The following DOK6 variants were observed in gnomAD, a reference collection of about 807,000 sequenced individuals.
DOK6 encodes the protein docking protein 6, also known as downstream of tyrosine kinase 6.
A neutral mutation model predicts 44.0 loss-of-function variants in DOK6; 22 were observed. The ratio of observed to expected loss-of-function variants is 0.50; its 90% CI spans 0.36 to 0.71. The LOEUF (loss-of-function observed/expected upper bound fraction) is 0.71. Among genes scored for constraint, DOK6 ranks in the 30% least tolerant of loss-of-function variants. The pLI is 0.00. For synonymous variants in DOK6, 166 were observed against 145.5 expected (o/e 1.14, Z -1.01); for missense variants, 340 against 416.4 (o/e 0.82, Z 1.60).
intron 3 of DOK6, among the ~76,000 whole-genome samples, chr18:69,611,733 G>C (rs911056883): frequency 6.6e-6 from 1 of 152,174 alleles, no homozygotes; most frequent in African/African-American, 2.4e-5. Flanking sequence ...AAAGGTTTTA[G>C]ATACCATGTG....
chr18:69,414,372 T>A (rs1773512999), intron 1 of DOK6, among the ~76,000 whole-genome samples: 1 of 152,026 alleles, frequency 6.6e-6, no homozygotes, highest in South Asian at 2.1e-4. Context: ...CAAGCTGTAG[T>A]TCACCAAATT....
intron 1 of DOK6, among the ~76,000 whole-genome samples, chr18:69,437,376 G>A (rs903474245): frequency 4.6e-5 from 7 of 152,274 alleles, no homozygotes; most frequent in African/African-American, 1.7e-4. Context: ...TTTGCATATG[G>A]CTAGCCAGTT....
chr18:69,530,417 T>C (rs1981952634), intron 1 of DOK6, among the ~76,000 whole-genome samples: 1 of 152,170 alleles, frequency 6.6e-6, no homozygotes, highest in South Asian at 2.1e-4. Context: ...CAAGTAGTTT[T>C]GACTTTGAAC....
In DOK6 at chr18:69,401,100, G is replaced by A. The variant is rs1916085766; in HGVS notation, c.-145G>A. The A allele has an allele frequency of 2.7e-6, 2 of 732,532 alleles. No homozygotes were observed. The highest frequency in any genetic ancestry group is 3.7e-6 in the Non-Finnish European group (2 of 539,624). The allele number at this position is 732,532 out of a possible 1,614,324, so 45.4% of individuals were successfully genotyped here. A position where few individuals can be genotyped will look rare whatever the true frequency, so the allele number is the denominator to read the frequency against. On this transcript the variant is annotated 5_prime_UTR_variant, in exon 1 of 8. Transcript: ENST00000382713. ...CTGCAGGCGACCCCGCGTCCCCACC[G>A]GCGGGAGCTCGGGGAAGAGCGGGCG...
chr18:69,782,236 G>T (rs1437189175), intron 7 of DOK6, among the ~76,000 whole-genome samples: 2 of 136,128 alleles, frequency 1.5e-5, no homozygotes, highest in African/African-American at 5.5e-5. Context: ...TTTTGAGATG[G>T]TGTCTCGCTC....
chr18:69,405,592 T>TAAAATAAAATAAAATAAAATAAAATA (rs1916190972), intron 1 of DOK6, among the ~76,000 whole-genome samples: 49 of 149,770 alleles, frequency 3.3e-4, no homozygotes, highest in African/African-American at 1.2e-3. Flanking sequence ...AATAACTAAC[T>TAAAATAAAATAAAATAAAATAAAATA]AAATAAAATA....
chr18:69,435,749 A>G (rs1408291611), intron 1 of DOK6, among the ~76,000 whole-genome samples: 1 of 151,956 alleles, frequency 6.6e-6, no homozygotes, highest in Non-Finnish European at 1.5e-5. Flanking sequence ...TATTGTTTTT[A>G]TTTTCAAATA....
chr18:69,433,781 A>G (rs1158946867), intron 1 of DOK6, among the ~76,000 whole-genome samples: 1 of 152,228 alleles, frequency 6.6e-6, no homozygotes, highest in Non-Finnish European at 1.5e-5. Context: ...AGTTAAATAT[A>G]TAGTCACTTT....
chr18:69,637,918 A>G (rs1411578455), intron 3 of DOK6, among the ~76,000 whole-genome samples: 1 of 151,878 alleles, frequency 6.6e-6, no homozygotes, highest in African/African-American at 2.4e-5. Context: ...CTATGATCTC[A>G]TAAGGATAGG....
intron 1 of DOK6, among the ~76,000 whole-genome samples, chr18:69,473,041 T>C (rs1980161062): frequency 6.6e-6 from 1 of 152,200 alleles, no homozygotes; most frequent in Non-Finnish European, 1.5e-5. Flanking sequence ...TATTTTATGT[T>C]TAGCTCATAT....
intron 4 of DOK6, among the ~76,000 whole-genome samples, chr18:69,686,025 A>G (rs773381951): frequency 1.2e-4 from 19 of 152,194 alleles, no homozygotes; most frequent in Non-Finnish European, 2.8e-4. Flanking sequence ...GTACCTTTAA[A>G]GAGGTAACTG....
intron 3 of DOK6, among the ~76,000 whole-genome samples, chr18:69,677,179 ATCTAAG>A (rs1985940910): frequency 6.6e-6 from 1 of 152,096 alleles, no homozygotes; most frequent in Admixed American, 6.6e-5. Flanking sequence ...ACTCATACAA[ATCTAAG>A]TCACTTTCAG....
intron 1 of DOK6, among the ~76,000 whole-genome samples, chr18:69,520,312 G>A (rs1385081525): frequency 6.6e-6 from 1 of 151,750 alleles, no homozygotes; most frequent in Non-Finnish European, 1.5e-5. Context: ...ATTTGGGTAA[G>A]GTGTTAGTAA....
At chr18:69,578,126 A>G (rs1307587303) in intron 2 of DOK6, among the ~76,000 whole-genome samples, 2 of 152,178 alleles carry the variant, frequency 1.3e-5, no homozygotes, top group African/African-American at 2.4e-5. Flanking sequence ...CTGATCTGGG[A>G]TTGACTTAGA....
chr18:69,803,596 G>T (rs531062415), intron 7 of DOK6, among the ~76,000 whole-genome samples: 18 of 152,290 alleles, frequency 1.2e-4, no homozygotes, highest in African/African-American at 4.3e-4. Context: ...TGACCAGGTG[G>T]CTCACGCCTA....
chr18:69,576,989 T>A lies in DOK6; in HGVS notation c.174+12395T>A, dbSNP rs190009169. On this transcript the variant is annotated intron_variant, in intron 2 of 7. Coordinates refer to ENST00000382713, the MANE Select transcript of DOK6 (RefSeq NM_152721.6). Reference sequence around the variant, plus strand: ...AAACAACGTGAAGTTCCATGAAAACTGCATGATGCCAGAAAAGCGATGCTT... The same window carrying A: ...AAACAACGTGAAGTTCCATGAAAACAGCATGATGCCAGAAAAGCGATGCTT... Among the ~76,000 whole-genome samples the A allele has an allele frequency of 1.3e-4, 20 of 152,264 alleles. No individual in the cohort carries two copies. The Middle Eastern group carries it at 0.014, about 104-fold the overall frequency.
At chr18:69,758,710 T>C (rs969618103) in intron 7 of DOK6, among the ~76,000 whole-genome samples, 1 of 152,200 alleles carries the variant, frequency 6.6e-6, no homozygotes, top group African/African-American at 2.4e-5. Flanking sequence ...CAAACATTTA[T>C]TGAGCACCAT....
Position 69,811,541 on chromosome 18 carries a change from T to C in DOK6, c.857-29703T>C, listed in dbSNP as rs1028041142. Among the ~76,000 whole-genome samples the C allele has an allele frequency of 1.2e-3, 28 of 23,980 alleles. 1 individual carries two copies. The highest frequency in any genetic ancestry group is 2.0e-3 in the African/African-American group (26 of 12,784). The allele number at this position is 23,980 out of a possible 152,430, so 15.7% of individuals were successfully genotyped here. A position where few individuals can be genotyped will look rare whatever the true frequency, so the allele number is the denominator to read the frequency against. On this transcript the variant is annotated intron_variant, in intron 7 of 7. Transcript: ENST00000382713. ...CCATTCCATTATATATATATATATA[T>C]ATATATATATATATATATATATATA...
intron 1 of DOK6, among the ~76,000 whole-genome samples, chr18:69,451,702 A>T (rs1238575962): frequency 9.6e-6 from 1 of 103,720 alleles, no homozygotes; most frequent in African/African-American, 3.9e-5. Flanking sequence ...CAGAAATTAT[A>T]ACAAACTATC....
Sources: gnomAD v4.1 joint callset for allele counts (sites outside exome capture counted in the v4.1 genomes callset) on GRCh38, gnomAD v4.1.1 for gene constraint, MANE v1.5 for transcripts, NCBI Gene and HGNC (gene_info 2026-07-23, HGNC 2026-07-21) for gene names.